The following CCDC178 variants were observed in gnomAD, a reference collection of about 807,000 sequenced individuals.
The protein encoded by CCDC178 is coiled-coil domain-containing protein 178.
A neutral mutation model predicts 117.4 loss-of-function variants in CCDC178; 126 were observed. That is an observed-to-expected ratio of 1.07 (90% CI 0.93 to 1.24). The LOEUF (loss-of-function observed/expected upper bound fraction) is 1.24, where lower values mean the gene tolerates loss of function less well. Ranked by LOEUF, CCDC178 falls within the 50% of genes most tolerant of loss-of-function variation. The probability of loss-of-function intolerance (pLI) is 0.00; values close to 1 mark genes in which losing one functional copy is unlikely to be tolerated. For missense variants in CCDC178, 1,030 were observed against 986.9 expected (o/e 1.04, Z -0.59); for synonymous variants, 283 against 313.4 (o/e 0.90, Z 1.02).
chr18:33,129,068 C>A (rs1369452483), intron 20 of CCDC178, among the ~76,000 whole-genome samples: 1 of 152,016 alleles, frequency 6.6e-6, no homozygotes, highest in African/African-American at 2.4e-5. Context: ...TAATACTTTC[C>A]CCCATAACCA....
At chr18:33,193,981 G>A (rs74830630) in intron 20 of CCDC178, among the ~76,000 whole-genome samples, 2,540 of 152,226 alleles carry the variant, frequency 0.017, 27 homozygotes, top group Non-Finnish European at 0.024. Flanking sequence ...AGGCAAAAGG[G>A]GGCCAAATAT....
chr18:33,437,804 C>T (rs1199297434), intron 2 of CCDC178: 1 of 152,198 alleles, frequency 6.6e-6, no homozygotes, highest in East Asian at 1.9e-4. Flanking sequence ...AATAACAATA[C>T]TTCGCAGTGT....
chr18:33,024,667 G>A (rs1000695336), intron 21 of CCDC178, among the ~76,000 whole-genome samples: 1 of 151,240 alleles, frequency 6.6e-6, no homozygotes, highest in African/African-American at 2.4e-5. Flanking sequence ...TTTTTGAGAT[G>A]GGGTGTTGCT....
intron 20 of CCDC178, among the ~76,000 whole-genome samples, chr18:33,197,914 T>C (rs1422820712): frequency 6.6e-6 from 1 of 152,222 alleles, no homozygotes; most frequent in Non-Finnish European, 1.5e-5. Context: ...AAAATGAACA[T>C]GACACTGTAC....
intron 22 of CCDC178, among the ~76,000 whole-genome samples, chr18:32,955,788 C>G (rs767464402): frequency 1.9e-4 from 29 of 152,082 alleles, no homozygotes; most frequent in Non-Finnish European, 3.8e-4. Context: ...TTTCTATTCA[C>G]ATTTTCTTAG....
rs182556774 is a variant in CCDC178 at position 33,223,153 on chromosome 18, A to T, written c.1885T>A (p.Leu629Ile). The part of the protein sequence containing the change: ...RRKVGKVKKK[L>I]RKKGKKTLDA... ...AGGGTTTTCTTCCCCTTTTTTCGTA[A>T]TTTTTTCTTTACTTTTCCCACCTTT... Residue 629 changes from leucine to isoleucine, a missense_variant, in exon 18 of 23, where the codon TTA becomes ATA. Leu to Ile is a conservative substitution (Grantham distance 5, BLOSUM62 2). Transcript: ENST00000383096. The T allele has an allele frequency of 1.2e-5, 20 of 1,606,678 alleles. No homozygotes were observed. The East Asian group carries it at 3.6e-4, about 29-fold the overall frequency.
chr18:33,426,822 G>C (rs2064131499), intron 2 of CCDC178, among the ~76,000 whole-genome samples: 2 of 151,990 alleles, frequency 1.3e-5, no homozygotes, highest in South Asian at 2.1e-4. Flanking sequence ...GCCCAACAGA[G>C]TATAAAATTA....
At chr18:33,263,689 G>A (rs955787538) in intron 14 of CCDC178, among the ~76,000 whole-genome samples, 3 of 152,098 alleles carry the variant, frequency 2.0e-5, no homozygotes. Flanking sequence ...GCTAAATAGA[G>A]AAGACGTTAC....
At chr18:33,177,191 A>G (rs9960931) in intron 20 of CCDC178, among the ~76,000 whole-genome samples, 10,124 of 151,460 alleles carry the variant, frequency 0.067, 581 homozygotes, top group African/African-American at 0.15. Context: ...AACATCACAC[A>G]CCGGGGGACT....
chr18:33,006,559 G>A (rs574355458), intron 21 of CCDC178, among the ~76,000 whole-genome samples: 1 of 152,028 alleles, frequency 6.6e-6, no homozygotes, highest in South Asian at 2.1e-4. Context: ...CTGAGGTAGG[G>A]AGAGTTCCAA....
chr18:33,368,277 T>C (rs1351686780), intron 6 of CCDC178, among the ~76,000 whole-genome samples: 1 of 151,962 alleles, frequency 6.6e-6, no homozygotes, highest in Non-Finnish European at 1.5e-5. Flanking sequence ...CATTACCATA[T>C]GGAGTGGATA....
intron 14 of CCDC178, among the ~76,000 whole-genome samples, chr18:33,248,309 C>A (rs1384190229): frequency 6.6e-6 from 1 of 151,626 alleles, no homozygotes; most frequent in African/African-American, 2.4e-5. Flanking sequence ...TTCTAGGGTA[C>A]ATGTGCACAA....
intron 11 of CCDC178, among the ~76,000 whole-genome samples, chr18:33,319,558 G>A (rs903234882): frequency 6.6e-6 from 1 of 152,170 alleles, no homozygotes; most frequent in Non-Finnish European, 1.5e-5. Flanking sequence ...TATATACCCA[G>A]TAATGGGATG....
intron 20 of CCDC178, among the ~76,000 whole-genome samples, chr18:33,145,638 T>C (rs1376188230): frequency 6.6e-6 from 1 of 152,158 alleles, no homozygotes; most frequent in Non-Finnish European, 1.5e-5. Context: ...GGAAGGGCCC[T>C]GAGAATAGTT....
intron 21 of CCDC178, among the ~76,000 whole-genome samples, chr18:32,983,623 A>T (rs1305898057): frequency 6.6e-6 from 1 of 152,126 alleles, no homozygotes; most frequent in African/African-American, 2.4e-5. Flanking sequence ...AATTTATTTT[A>T]GATAGAAAGA....
chr18:33,319,886 GT>G (rs1206288929), intron 11 of CCDC178, among the ~76,000 whole-genome samples: 1 of 152,014 alleles, frequency 6.6e-6, no homozygotes, highest in African/African-American at 2.4e-5. Context: ...TGATGGGGTT[GT>G]TTTTTTCTTA....
chr18:33,343,824 A>C (rs1305283830), intron 9 of CCDC178, among the ~76,000 whole-genome samples: 6 of 152,212 alleles, frequency 3.9e-5, no homozygotes, highest in African/African-American at 1.4e-4. Context: ...AGGAGATTAC[A>C]ATTTTTTCCT....
intron 12 of CCDC178, among the ~76,000 whole-genome samples, chr18:33,269,179 T>G (rs535896613): frequency 6.6e-6 from 1 of 151,868 alleles, no homozygotes; most frequent in South Asian, 2.1e-4. Flanking sequence ...CCAGAAAAGC[T>G]TTTTCCCCAG....
At chr18:33,019,677 C>A (rs950710619) in intron 21 of CCDC178, among the ~76,000 whole-genome samples, 2 of 152,096 alleles carry the variant, frequency 1.3e-5, no homozygotes, top group Non-Finnish European at 2.9e-5. Context: ...TGGAGTGTTA[C>A]TTCCTTCCAT....
Sources: allele counts gnomAD v4.1 joint callset (sites outside exome capture counted in the v4.1 genomes callset), GRCh38; gene constraint gnomAD v4.1.1; transcripts MANE v1.5; gene names NCBI Gene and HGNC (gene_info 2026-07-23, HGNC 2026-07-21).